The following BCAR1 variants were observed in gnomAD, a reference collection of about 807,000 sequenced individuals.
BCAR1 encodes BCAR1 scaffold protein, Cas family member.
Under a neutral mutation model 67.6 loss-of-function variants are expected in BCAR1, and 30 were observed. The ratio of observed to expected loss-of-function variants is 0.44; its 90% CI spans 0.33 to 0.60. BCAR1 has a LOEUF of 0.60. Among genes scored for constraint, BCAR1 ranks in the 20% least tolerant of loss-of-function variants. BCAR1 has a pLI of 0.02. For synonymous variants in BCAR1, 626 were observed against 556.7 expected (o/e 1.12, Z -1.75); for missense variants, 1,313 against 1,222.3 (o/e 1.07, Z -1.11).
intron 2 of BCAR1, among the ~76,000 whole-genome samples, chr16:75,240,032 G>A (rs369549955): frequency 3.3e-5 from 5 of 152,250 alleles, no homozygotes; most frequent in African/African-American, 9.6e-5. Flanking sequence ...GCCCACACCC[G>A]GCCCAAAGAG....
chr16:75,248,347 C>G, intron 1 of BCAR1: 6 of 1,339,964 alleles, frequency 4.5e-6, no homozygotes, highest in Non-Finnish European at 5.8e-6. Flanking sequence ...ATACCCAGAA[C>G]CATCACAAAC....
intron 5 of BCAR1, 81 bp downstream of exon 5, chr16:75,234,808 C>A: frequency 1.3e-6 from 2 of 1,501,034 alleles, no homozygotes; most frequent in Non-Finnish European, 1.8e-6. Flanking sequence ...GGACCAGGCC[C>A]CAGCTGAGAA....
chr16:75,234,333 G>A (rs1471235576), intron 5 of BCAR1, among the ~76,000 whole-genome samples: 1 of 152,136 alleles, frequency 6.6e-6, no homozygotes, highest in East Asian at 1.9e-4. Flanking sequence ...GAAGAGACTG[G>A]GCAGAGGGTG....
In BCAR1 at chr16:75,235,174, G is replaced by A. The variant is rs769611278; in HGVS notation, c.1725C>T (p.Asp575=). ...GRGGSGATLE[D]LDRLVACSRA... ...GCGAGCAGGCCACCAGCCGGTCCAG[G>A]TCCTCAAGGGTGGCTCCAGAGCCTC... Residue 575 remains aspartate (D), a synonymous_variant, in exon 5 of 7, where the codon GAC becomes GAT. Transcript: ENST00000162330. 4.4e-6 allele frequency: 7 copies of A among 1,608,638 alleles called. No homozygotes were observed. Among genetic ancestry groups the A allele is most frequent in the Non-Finnish European group, 5.9e-6 (7 of 1,179,710 alleles).
chr16:75,235,714 A>T lies in BCAR1; in HGVS notation c.1185T>A (p.Leu395=). 1 of 1,609,698 alleles carries T rather than the reference A, an allele frequency of 6.2e-7. No homozygotes were observed. The highest frequency in any genetic ancestry group is 8.5e-7 in the Non-Finnish European group (1 of 1,177,934). Residue 395 remains leucine (L), a synonymous_variant, in exon 5 of 7, where the codon CTT becomes CTA. Coordinates refer to ENST00000162330, the MANE Select transcript of BCAR1 (RefSeq NM_014567.5). The stretch of plus-strand genomic sequence containing the variant: ...CGCCACCATCAGCCACCTCAGGAGG[A>T]AGCACCCGTTCACGGGGCACATCGT... ...TLYDVPRERV[L]PPEVADGGVV...
At chr16:75,248,398 C>A in intron 1 of BCAR1, 1 of 1,189,844 alleles carries the variant, frequency 8.4e-7, no homozygotes, top group South Asian at 1.8e-5. Context: ...TTTGCTTGTC[C>A]CAAAGAGCCT....
chr16:75,243,429 G>A (rs756004072), intron 1 of BCAR1: 4 of 597,090 alleles, frequency 6.7e-6, no homozygotes, highest in East Asian at 3.8e-5. Flanking sequence ...CAAGGAGAGC[G>A]GCAGTAATCA....
At chr16:75,259,634 CGAGGTCAGGAGATT>C (rs973451687) in intron 1 of BCAR1, among the ~76,000 whole-genome samples, 4 of 151,842 alleles carry the variant, frequency 2.6e-5, no homozygotes, top group African/African-American at 9.7e-5. Flanking sequence ...GGGCGGATCA[CGAGGTCAGGAGATT>C]GAGACCATCC....
Position 75,229,358 on chromosome 16 carries a change from A to T in BCAR1, c.*153T>A. 1 of 1,240,094 alleles carries T rather than the reference A, an allele frequency of 8.1e-7. No individual in the cohort carries two copies. Among genetic ancestry groups the T allele is most frequent in the East Asian group, 2.6e-5 (1 of 38,334 alleles). 76.8% of individuals were successfully genotyped at this position (1,240,094 alleles called of 1,614,324 possible). ...TGGCCCCACACCCTGCCCGGCCATAAATATATACAGATTCCTGGGCATCCA... is the reference window on the plus strand; with the variant it reads ...TGGCCCCACACCCTGCCCGGCCATATATATATACAGATTCCTGGGCATCCA... On this transcript the variant is annotated 3_prime_UTR_variant, in exon 7 of 7. Transcript: ENST00000162330.
At chr16:75,236,147 C>T (rs1023336612) in intron 4 of BCAR1, 161 bp from the exon 5 acceptor site, 77 of 854,486 alleles carry the variant, frequency 9.0e-5, no homozygotes, top group South Asian at 5.0e-4. Context: ...TGCAGAGGCA[C>T]GCACACAGGC....
At chr16:75,248,943 T>C (rs2077599430) in intron 1 of BCAR1, 1 of 152,456 alleles carries the variant, frequency 6.6e-6, no homozygotes, top group South Asian at 2.1e-4. Context: ...GATGCCTTTA[T>C]GCCCAGGGCC....
intron 1 of BCAR1, chr16:75,263,710 C>G: frequency 2.0e-6 from 2 of 985,594 alleles, no homozygotes; most frequent in Non-Finnish European, 2.4e-6. Flanking sequence ...TGCGTCAGCC[C>G]ATCTAGGAAA....
At chr16:75,252,784 G>C (rs1304239865), upstream of BCAR1, among the ~76,000 whole-genome samples, 2 of 152,230 alleles carry the variant, frequency 1.3e-5, no homozygotes, top group Non-Finnish European at 2.9e-5. Context: ...CTGACCCCCA[G>C]GGCTCAGCCT....
intron 5 of BCAR1, among the ~76,000 whole-genome samples, chr16:75,234,172 C>G (rs986994618): frequency 4.2e-4 from 63 of 149,268 alleles, no homozygotes; most frequent in African/African-American, 1.4e-3. Context: ...CAGACACACA[C>G]ACACACACAC....
chr16:75,263,351 TG>T (rs1334455858), intron 1 of BCAR1: 4 of 985,252 alleles, frequency 4.1e-6, no homozygotes, highest in Non-Finnish European at 3.6e-6. Flanking sequence ...CTTCCAAATG[TG>T]TCCTCTCAGC....
intron 6 of BCAR1, among the ~76,000 whole-genome samples, chr16:75,233,583 G>C (rs928062440): frequency 6.6e-6 from 1 of 152,232 alleles, no homozygotes; most frequent in Non-Finnish European, 1.5e-5. Context: ...GCCTATGGCA[G>C]CTGTGAGGGG....
chr16:75,259,146 A>C (rs1406840457), intron 1 of BCAR1, among the ~76,000 whole-genome samples: 1 of 152,216 alleles, frequency 6.6e-6, no homozygotes, highest in Non-Finnish European at 1.5e-5. Flanking sequence ...ACTCTAGGAC[A>C]CCTGGTGAGG....
At chr16:75,232,726 A>C (rs951057772) in intron 6 of BCAR1, among the ~76,000 whole-genome samples, 1 of 152,082 alleles carries the variant, frequency 6.6e-6, no homozygotes, top group African/African-American at 2.4e-5. Context: ...GTCAATGTCT[A>C]GCCTCTCCTG....
At chr16:75,238,602 C>G in intron 2 of BCAR1, 3 of 988,592 alleles carry the variant, frequency 3.0e-6, no homozygotes, top group Non-Finnish European at 3.6e-6. Flanking sequence ...GAGCCCCCCG[C>G]AGCGCAGCAG....
Sources: gnomAD v4.1 joint callset for allele counts (sites outside exome capture counted in the v4.1 genomes callset) on GRCh38, gnomAD v4.1.1 for gene constraint, MANE v1.5 for transcripts, NCBI Gene and HGNC (gene_info 2026-07-23, HGNC 2026-07-21) for gene names.